The following RASSF8 variants were observed in gnomAD, a reference collection of about 807,000 sequenced individuals.
RASSF8 encodes the protein ras association domain-containing protein 8.
In RASSF8, 22 loss-of-function variants were observed where a neutral mutation model predicts 48.5. The ratio of observed to expected loss-of-function variants is 0.45; its 90% CI spans 0.32 to 0.65. The LOEUF is 0.65. Among genes scored for constraint, RASSF8 ranks in the 30% least tolerant of loss-of-function variants. The pLI is 0.03. For synonymous variants in RASSF8, 127 were observed against 171.5 expected, an observed-to-expected ratio of 0.74 and a Z score of 2.03; for missense variants, 418 against 489.2, an observed-to-expected ratio of 0.85 and a Z score of 1.37.
Position 25,963,054 on chromosome 12 carries a change from G to A in RASSF8, c.-203+3906G>A, listed in dbSNP as rs143197530. Reference sequence around the variant, plus strand: ...ACTGTGCCTTACTATTTTACAGAGCGTCACATGATAACACGTTAGTCAGCT... The same window carrying A: ...ACTGTGCCTTACTATTTTACAGAGCATCACATGATAACACGTTAGTCAGCT... On this transcript the variant is annotated intron_variant, in intron 1 of 5. Transcript: ENST00000689635. Among the ~76,000 whole-genome samples, 468 of 152,122 alleles carry A rather than the reference G, an allele frequency of 3.1e-3. 5 individuals are homozygous for A. Among genetic ancestry groups the A allele is most frequent in the African/African-American group, 0.011 (445 of 41,512 alleles).
chr12:25,969,638 T>C (rs1170968860), intron 1 of RASSF8, among the ~76,000 whole-genome samples: 1 of 151,940 alleles, frequency 6.6e-6, no homozygotes, highest in East Asian at 1.9e-4. Flanking sequence ...CTGGGTATAT[T>C]TTGGCGGGGT....
At chr12:25,976,010 G>A (rs960588956) in intron 1 of RASSF8, among the ~76,000 whole-genome samples, 11 of 152,044 alleles carry the variant, frequency 7.2e-5, no homozygotes, top group East Asian at 1.9e-4. Context: ...TAGAGGAGCC[G>A]CACCCAGAAA....
At chr12:26,079,672 A>T (rs546980330) in exon 6 of RASSF8, 1 of 152,264 alleles carries the variant, frequency 6.6e-6, no homozygotes, top group East Asian at 1.9e-4. Flanking sequence ...AACATCACTG[A>T]TCAGCAGGGA....
intron 2 of RASSF8, among the ~76,000 whole-genome samples, chr12:26,029,688 A>C (rs1413374224): frequency 3.3e-5 from 5 of 152,066 alleles, no homozygotes; most frequent in Admixed American, 6.6e-5. Context: ...TTTCCTTGGC[A>C]CTCTTTTGTT....
rs76684023 is a variant in RASSF8 at position 26,049,339 on chromosome 12, A to G, written c.-108-5897A>G. Among the ~76,000 whole-genome samples the G allele has an allele frequency of 5.8e-4, 88 of 152,352 alleles. 5 individuals carry two copies. In the East Asian group the frequency reaches 0.017, roughly 29 times the overall value. ...AGATGAGCCTTTGATTATTGAAAACATATCTCTTAGTTTTCTAAAACAGGT... is the reference window on the plus strand; with the variant it reads ...AGATGAGCCTTTGATTATTGAAAACGTATCTCTTAGTTTTCTAAAACAGGT... On this transcript the variant is annotated intron_variant, in intron 2 of 5. Coordinates refer to ENST00000689635, the MANE Select transcript of RASSF8 (RefSeq NM_001394098.1).
intron 1 of RASSF8, among the ~76,000 whole-genome samples, chr12:25,974,109 C>T (rs530128825): frequency 4.2e-4 from 64 of 151,674 alleles, no homozygotes; most frequent in East Asian, 1.4e-3. Context: ...GAGAAAGCAG[C>T]GGGGCTCAGC....
chr12:25,960,441 G>T (rs1941203731), intron 1 of RASSF8, among the ~76,000 whole-genome samples: 1 of 152,084 alleles, frequency 6.6e-6, no homozygotes, highest in African/African-American at 2.4e-5. Context: ...CTATCATTTG[G>T]GGAAGTGGTT....
chr12:26,049,633 A>G (rs932221896), intron 2 of RASSF8, among the ~76,000 whole-genome samples: 23 of 152,246 alleles, frequency 1.5e-4, no homozygotes, highest in African/African-American at 5.1e-4. Context: ...TCGAAAAAAT[A>G]TAATTGTCAG....
intron 1 of RASSF8, among the ~76,000 whole-genome samples, chr12:25,965,285 C>G (rs1941331989): frequency 6.6e-6 from 1 of 151,784 alleles, no homozygotes; most frequent in Non-Finnish European, 1.5e-5. Context: ...ATAAACTGCA[C>G]ATACCTAACT....
At chr12:26,067,749 A>T (rs1236952463) in intron 5 of RASSF8, 36 bp downstream of exon 5, 1 of 1,610,396 alleles carries the variant, frequency 6.2e-7, no homozygotes, top group Non-Finnish European at 8.5e-7. Context: ...TTTTCCCTTT[A>T]TTCTCACTGC....
chr12:25,970,562 A>G (rs1018885663), intron 1 of RASSF8, among the ~76,000 whole-genome samples: 3 of 152,128 alleles, frequency 2.0e-5, no homozygotes, highest in Non-Finnish European at 2.9e-5. Context: ...CCTGAAACCC[A>G]TCCTCCATGT....
At chr12:25,992,059 T>C (rs987581927) in intron 1 of RASSF8, among the ~76,000 whole-genome samples, 1 of 152,226 alleles carries the variant, frequency 6.6e-6, no homozygotes, top group Non-Finnish European at 1.5e-5. Flanking sequence ...TTTTCAGACA[T>C]GTGGTAATAG....
chr12:26,009,403 C>CA (rs1275137749), intron 2 of RASSF8, among the ~76,000 whole-genome samples: 3 of 152,142 alleles, frequency 2.0e-5, no homozygotes, highest in Non-Finnish European at 4.4e-5. Context: ...TTTTGGTTGT[C>CA]ACAATGATGG....
At chr12:25,999,645 A>G (rs1480357432) in intron 2 of RASSF8, among the ~76,000 whole-genome samples, 3 of 152,170 alleles carry the variant, frequency 2.0e-5, no homozygotes, top group Non-Finnish European at 4.4e-5. Context: ...GGAGGATTAC[A>G]CCACTGTGCT....
intron 2 of RASSF8, among the ~76,000 whole-genome samples, chr12:26,007,374 A>C (rs1270073244): frequency 6.6e-6 from 1 of 152,204 alleles, no homozygotes; most frequent in African/African-American, 2.4e-5. Context: ...TGTTCTCCTC[A>C]CTAGCAAATC....
chr12:25,990,284 C>T (rs575353283), intron 1 of RASSF8, among the ~76,000 whole-genome samples: 91 of 152,306 alleles, frequency 6.0e-4, no homozygotes, highest in African/African-American at 2.1e-3. Context: ...TGTATGAACT[C>T]TGCTGTAGCT....
chr12:26,053,197 A>T (rs1943530700), intron 2 of RASSF8, among the ~76,000 whole-genome samples: 1 of 152,034 alleles, frequency 6.6e-6, no homozygotes, highest in African/African-American at 2.4e-5. Context: ...GAAAAAAAAA[A>T]AAGTCCTATA....
At chr12:25,993,019 T>C (rs1485371401) in intron 1 of RASSF8, among the ~76,000 whole-genome samples, 2 of 152,000 alleles carry the variant, frequency 1.3e-5, no homozygotes, top group Non-Finnish European at 2.9e-5. Flanking sequence ...AGTTAGGAGG[T>C]TGTAGGAATC....
chr12:26,068,369 T>C (rs1018559881), intron 5 of RASSF8, among the ~76,000 whole-genome samples: 2 of 152,142 alleles, frequency 1.3e-5, no homozygotes, highest in African/African-American at 4.8e-5. Context: ...CTTTTCCTTC[T>C]TTTTCTTCTA....
Sources: gnomAD v4.1 joint callset for allele counts (sites outside exome capture counted in the v4.1 genomes callset) on GRCh38, gnomAD v4.1.1 for gene constraint, MANE v1.5 for transcripts, NCBI Gene and HGNC (gene_info 2026-07-23, HGNC 2026-07-21) for gene names.